The following NRP1 variants were observed in gnomAD, a reference collection of about 807,000 sequenced individuals.
NRP1 encodes neuropilin-1.
NRP1 carries 35 observed loss-of-function variants against 106.7 expected under a neutral mutation model. That is an observed-to-expected ratio of 0.33 (90% CI 0.25 to 0.43). The LOEUF is 0.43. Among genes scored for constraint, NRP1 ranks in the 20% least tolerant of loss-of-function variants. NRP1 has a pLI of 1.00. For missense variants in NRP1, 1,024 were observed against 1,170.4 expected, an observed-to-expected ratio of 0.87 and a Z score of 1.83; for synonymous variants, 437 against 417.9, an observed-to-expected ratio of 1.05 and a Z score of -0.56.
chr10:33,180,148 G>A lies in NRP1; in HGVS notation c.2700C>T (p.Asn900=), dbSNP rs747062981. The A allele has an allele frequency of 1.2e-6, 2 of 1,614,022 alleles. No individual in the cohort carries two copies. Among genetic ancestry groups the A allele is most frequent in the Admixed American group, 1.7e-5 (1 of 60,002 alleles). ...ERNLSALENY[N]FELVDGVKLK... is the part of the protein sequence containing the mutation. ...ACTTCACACCATCCACAAGTTCAAA[G>A]TTATAGTTCTCCAGGGCAGACAAGT... The change falls in exon 17 of 17, where the codon AAC becomes AAT. Residue 900 remains asparagine (N), a synonymous_variant. Transcript: ENST00000374867.
In NRP1 at chr10:33,207,583, C is replaced by T; in HGVS notation, c.1748G>A (p.Cys583Tyr). 1 of 1,614,104 alleles carries T rather than the reference C, an allele frequency of 6.2e-7. No individual in the cohort carries two copies. Among genetic ancestry groups the T allele is most frequent in the Non-Finnish European group, 8.5e-7 (1 of 1,179,992 alleles). Residue 583 changes from cysteine to tyrosine, a missense_variant, in exon 10 of 17, where the codon TGT (cysteine) becomes TAT (tyrosine). Coordinates refer to ENST00000374867, the MANE Select transcript of NRP1 (RefSeq NM_003873.7). Reference sequence around the variant, plus strand: ...GAGATCATAATTACCTTCCACTTCACAGCCCAGCAGCTCCATTCTGAGCCC... The same window carrying T: ...GAGATCATAATTACCTTCCACTTCATAGCCCAGCAGCTCCATTCTGAGCCC... The part of the protein sequence containing the change: ...GLGLRMELLG[C>Y]EVEAPTAGPT...
chr10:33,263,544 G>C, intron 4 of NRP1, 102 bp downstream of exon 4: 1 of 786,518 alleles, frequency 1.3e-6, no homozygotes. Flanking sequence ...GTGTCCTTTT[G>C]AGGTTTTTTT....
In NRP1 at chr10:33,178,258, T is replaced by A. The variant is rs987162989; in HGVS notation, c.*1818A>T. On this transcript the variant is annotated 3_prime_UTR_variant, in exon 17 of 17. Coordinates refer to ENST00000374867, the MANE Select transcript of NRP1 (RefSeq NM_003873.7). ...AATGTGGGAAGGAAGATCTAAAAAA[T>A]CTCATGTCCAACATGGCATGATAAA... 1.3e-5 allele frequency: 2 copies of A among 152,168 alleles called. No individual in the cohort carries two copies. Among genetic ancestry groups the A allele is most frequent in the Admixed American group, 1.3e-4 (2 of 15,276 alleles). The allele number at this position is 152,168 out of a possible 1,614,324, so 9.4% of individuals were successfully genotyped here.
At chr10:33,237,569 C>A in intron 6 of NRP1, among the ~76,000 whole-genome samples, 1 of 137,976 alleles carries the variant, frequency 7.2e-6, no homozygotes, top group Non-Finnish European at 1.5e-5. Flanking sequence ...TGAATATTTT[C>A]CTTCTTCTTT....
At chr10:33,251,001 C>T (rs1286158756) in intron 6 of NRP1, among the ~76,000 whole-genome samples, 1 of 152,146 alleles carries the variant, frequency 6.6e-6, no homozygotes, top group Non-Finnish European at 1.5e-5. Context: ...TGATGAGCTG[C>T]AATCTTCCTC....
chr10:33,216,509 A>G (rs947620562), intron 8 of NRP1, among the ~76,000 whole-genome samples: 15 of 151,412 alleles, frequency 9.9e-5, no homozygotes, highest in Admixed American at 9.9e-4. Context: ...GCTGGAGTGG[A>G]GTGGTGTGAT....
At chr10:33,293,474 G>A (rs539291058) in intron 2 of NRP1, among the ~76,000 whole-genome samples, 32 of 152,216 alleles carry the variant, frequency 2.1e-4, no homozygotes, top group African/African-American at 7.0e-4. Flanking sequence ...GTCACGGACC[G>A]GAATTACAGA....
intron 6 of NRP1, among the ~76,000 whole-genome samples, chr10:33,238,133 G>A (rs1276268119): frequency 6.6e-6 from 1 of 152,156 alleles, no homozygotes; most frequent in Non-Finnish European, 1.5e-5. Context: ...CTGCCTCTGG[G>A]AGTCCAAGCA....
At chr10:33,180,421 C>G (rs1048889535) in intron 16 of NRP1, 56 bp from the exon 17 acceptor site, 1 of 1,495,062 alleles carries the variant, frequency 6.7e-7, no homozygotes, top group Non-Finnish European at 9.0e-7. Context: ...CAGATGAAAG[C>G]AGACAGAAAA....
At position 33,256,461 on chromosome 10, in the gene NRP1, G is replaced by A. The variant is rs1346941950; in HGVS notation, c.669C>T (p.His223=). The change falls in exon 5 of 17, where the codon CAC becomes CAT. Residue 223 remains histidine, a synonymous_variant. Transcript: ENST00000374867. Reference sequence around the variant, plus strand: ...TTTTCTGTCCACAGTAACGCCCAATGTGAGGGCCAACTGGAAAGGGAGGAA... The same window carrying A: ...TTTTCTGTCCACAGTAACGCCCAATATGAGGGCCAACTGGAAAGGGAGGAA... The part of the protein sequence containing the change: ...IWDGFPDVGP[H]IGRYCGQKTP... 21 of 1,614,090 alleles carry A rather than the reference G, an allele frequency of 1.3e-5. No homozygotes were observed. The highest frequency in any genetic ancestry group is 1.7e-5 in the Non-Finnish European group (20 of 1,179,944).
intron 6 of NRP1, among the ~76,000 whole-genome samples, chr10:33,244,024 T>C (rs917781496): frequency 1.9e-4 from 29 of 151,806 alleles, no homozygotes; most frequent in African/African-American, 6.1e-4. Flanking sequence ...TATTCTGACG[T>C]GGATCAAAAT....
chr10:33,296,277 C>T (rs1322341043), intron 2 of NRP1, among the ~76,000 whole-genome samples: 1 of 152,208 alleles, frequency 6.6e-6, no homozygotes, highest in Non-Finnish European at 1.5e-5. Context: ...CACGGCCAGA[C>T]AGGAAGGCCT....
At chr10:33,239,493 T>C (rs1215332850) in intron 6 of NRP1, among the ~76,000 whole-genome samples, 2 of 152,226 alleles carry the variant, frequency 1.3e-5, no homozygotes, top group Non-Finnish European at 2.9e-5. Flanking sequence ...AACTGACTTA[T>C]ACCCTTAAGC....
intron 2 of NRP1, among the ~76,000 whole-genome samples, chr10:33,292,170 A>T (rs1017648527): frequency 6.6e-6 from 1 of 152,190 alleles, no homozygotes; most frequent in Non-Finnish European, 1.5e-5. Context: ...TGCTGGGATT[A>T]CAGGCATGAG....
intron 2 of NRP1, among the ~76,000 whole-genome samples, chr10:33,307,935 A>G (rs186909793): frequency 6.6e-6 from 1 of 152,314 alleles, no homozygotes; most frequent in East Asian, 1.9e-4. Context: ...TTATAGCACT[A>G]TTAGCAATAG....
chr10:33,254,002 G>A (rs758162729), intron 6 of NRP1, 26 bp downstream of exon 6: 21 of 1,577,976 alleles, frequency 1.3e-5, no homozygotes, highest in Non-Finnish European at 1.5e-5. Context: ...TTCAATCCTA[G>A]ATAGGCTTGA....
intron 2 of NRP1, among the ~76,000 whole-genome samples, chr10:33,315,273 G>A (rs1347837270): frequency 1.3e-5 from 2 of 152,166 alleles, no homozygotes; most frequent in Non-Finnish European, 2.9e-5. Flanking sequence ...GTTTTTAGGG[G>A]GAATATGTAA....
chr10:33,264,714 A>G (rs947986396), intron 3 of NRP1, among the ~76,000 whole-genome samples: 12 of 152,196 alleles, frequency 7.9e-5, no homozygotes, highest in Non-Finnish European at 1.6e-4. Context: ...AAGAGCATCC[A>G]TGCATATAGT....
In NRP1 at chr10:33,202,987, C is replaced by T. The variant is rs568996715; in HGVS notation, c.1768G>A (p.Ala590Thr). 2.2e-5 allele frequency: 35 copies of T among 1,611,910 alleles called. No homozygotes were observed. Among genetic ancestry groups the T allele is most frequent in the East Asian group, 6.7e-5 (3 of 44,882 alleles). Residue 590 changes from alanine (A) to threonine (T), a missense_variant, in exon 11 of 17, where the codon GCT becomes ACT. This residue lies in a region of NRP1 where 562 missense variants were observed against 620.3 expected (regional missense o/e 0.91). Transcript: ENST00000374867. Reference sequence around the variant, plus strand: ...TTCCCGTTGGGAGTGGTCGGTCCAGCTGTAGGGGCTGAAACAAGATCCAAG... The same window carrying T: ...TTCCCGTTGGGAGTGGTCGGTCCAGTTGTAGGGGCTGAAACAAGATCCAAG... Reference protein sequence around the residue: ...LLGCEVEAPTAGPTTPNGNLV... With the variant: ...LLGCEVEAPTTGPTTPNGNLV...
Sources: allele counts gnomAD v4.1 joint callset (sites outside exome capture counted in the v4.1 genomes callset), GRCh38; gene constraint gnomAD v4.1.1; regional missense constraint gnomAD v4.1.1; transcripts MANE v1.5; gene names NCBI Gene and HGNC (gene_info 2026-07-23, HGNC 2026-07-21).